Variants in BORCS5 observed in about 807,000 individuals in gnomAD.
BORCS5 encodes the protein BLOC-1-related complex subunit 5.
A neutral mutation model predicts 22.1 loss-of-function variants in BORCS5; 17 were observed. That is an observed-to-expected ratio of 0.77 (90% CI 0.53 to 1.15). BORCS5 has a LOEUF of 1.15. BORCS5 is among the 50% of genes most tolerant of loss of function. The pLI is 0.00. For synonymous variants in BORCS5, 117 were observed against 99.8 expected (o/e 1.17, Z -1.03); for missense variants, 247 against 253.2 (o/e 0.98, Z 0.17).
At chr12:12,427,094 C>G (rs559185625) in intron 2 of BORCS5, among the ~76,000 whole-genome samples, 2 of 151,636 alleles carry the variant, frequency 1.3e-5, no homozygotes, top group African/African-American at 2.4e-5. Context: ...CTAAGTATCC[C>G]GAAGGAATCA....
Position 12,416,201 on chromosome 12 carries a change from GTC to G in BORCS5, c.203-19421_203-19420del, listed in dbSNP as rs1480487522. Among the ~76,000 whole-genome samples the G allele has an allele frequency of 3.3e-5, 5 of 152,088 alleles. No individual in the cohort carries two copies. The East Asian group carries it at 9.7e-4, about 29-fold the overall frequency. ...ACTTTCTCGTTTTAGTATTTGAGTTGTCTCTCTTTTTTCTTAGTTCCTCTACT... is the reference window on the plus strand; with the variant it reads ...ACTTTCTCGTTTTAGTATTTGAGTTGTCTCTTTTTTCTTAGTTCCTCTACT... On this transcript the variant is annotated intron_variant, in intron 2 of 3. Transcript: ENST00000314565.
intron 2 of BORCS5, among the ~76,000 whole-genome samples, chr12:12,400,931 G>A (rs1941456981): frequency 6.6e-6 from 1 of 152,118 alleles, no homozygotes; most frequent in African/African-American, 2.4e-5. Context: ...TCAGCTACTT[G>A]TGTAACTTTC....
intron 2 of BORCS5, among the ~76,000 whole-genome samples, chr12:12,427,667 T>C (rs1942323650): frequency 6.6e-6 from 1 of 152,196 alleles, no homozygotes; most frequent in Admixed American, 6.5e-5. Context: ...ATAAACCGGG[T>C]GGCTTAAACA....
At chr12:12,395,066 A>C (rs1472769045) in intron 2 of BORCS5, among the ~76,000 whole-genome samples, 1 of 151,968 alleles carries the variant, frequency 6.6e-6, no homozygotes, top group Admixed American at 6.5e-5. Flanking sequence ...ATTGAGCTGA[A>C]CCTAAAAGGA....
intron 2 of BORCS5, among the ~76,000 whole-genome samples, chr12:12,368,138 G>A (rs957366684): frequency 6.6e-6 from 1 of 152,104 alleles, no homozygotes; most frequent in East Asian, 1.9e-4. Context: ...AGGATTACTA[G>A]TGTTTTCTTT....
intron 3 of BORCS5, among the ~76,000 whole-genome samples, chr12:12,448,598 G>A (rs879589130): frequency 1.1e-4 from 16 of 149,720 alleles, no homozygotes; most frequent in African/African-American, 3.2e-4. Context: ...TGGCGATCTC[G>A]GCTAACTGCA....
chr12:12,410,139 T>C (rs1941692600), intron 2 of BORCS5, among the ~76,000 whole-genome samples: 1 of 152,240 alleles, frequency 6.6e-6, no homozygotes, highest in Admixed American at 6.5e-5. Flanking sequence ...CTTTGTCAGA[T>C]GAGTAGGTTG....
intron 2 of BORCS5, among the ~76,000 whole-genome samples, chr12:12,407,042 A>G (rs1565876852): frequency 6.6e-6 from 1 of 152,218 alleles, no homozygotes; most frequent in East Asian, 1.9e-4. Context: ...AAGTGGGACA[A>G]AGTGGGCTTT....
chr12:12,431,060 G>C (rs888748440), intron 2 of BORCS5, among the ~76,000 whole-genome samples: 1 of 152,158 alleles, frequency 6.6e-6, no homozygotes, highest in Admixed American at 6.5e-5. Flanking sequence ...CATTTAGCTT[G>C]TGTGCTACTG....
chr12:12,362,406 C>A (rs1863306702), intron 2 of BORCS5, among the ~76,000 whole-genome samples: 1 of 152,144 alleles, frequency 6.6e-6, no homozygotes, highest in African/African-American at 2.4e-5. Flanking sequence ...TAAGGAAATA[C>A]AAGCTTTCAG....
At chr12:12,407,580 CCA>C (rs1385326547) in intron 2 of BORCS5, among the ~76,000 whole-genome samples, 8 of 152,128 alleles carry the variant, frequency 5.3e-5, no homozygotes, top group Non-Finnish European at 1.2e-4. Flanking sequence ...TCATGACCTT[CCA>C]TCTCCGGAAC....
chr12:12,381,499 T>C (rs533647320), intron 2 of BORCS5, among the ~76,000 whole-genome samples: 2 of 151,438 alleles, frequency 1.3e-5, no homozygotes, highest in South Asian at 4.2e-4. Context: ...CTTTAAAAAA[T>C]GACCATAAAT....
intron 3 of BORCS5, among the ~76,000 whole-genome samples, chr12:12,438,267 A>ACAAGAAT (rs1372764670): frequency 6.6e-6 from 1 of 151,164 alleles, no homozygotes; most frequent in African/African-American, 2.4e-5. Flanking sequence ...AGGCTGAGGC[A>ACAAGAAT]CAAGAATCGC....
intron 2 of BORCS5, among the ~76,000 whole-genome samples, chr12:12,383,655 AT>A (rs750877182): frequency 2.8e-4 from 42 of 149,512 alleles, no homozygotes; most frequent in Non-Finnish European, 5.7e-4. Flanking sequence ...TTGGTTGACA[AT>A]TTTTTTCCCC....
intron 2 of BORCS5, among the ~76,000 whole-genome samples, chr12:12,395,385 C>T (rs1376624317): frequency 6.6e-6 from 1 of 151,434 alleles, no homozygotes. Flanking sequence ...TCTCTTGTCT[C>T]AGCCTCCCAA....
chr12:12,427,181 T>A (rs1461443034), intron 2 of BORCS5, among the ~76,000 whole-genome samples: 1 of 71,066 alleles, frequency 1.4e-5, no homozygotes, highest in African/African-American at 6.3e-5. Flanking sequence ...TCTTTTTTTT[T>A]TTTTTTTTTT....
At chr12:12,424,779 A>C (rs1942236268) in intron 2 of BORCS5, among the ~76,000 whole-genome samples, 1 of 152,166 alleles carries the variant, frequency 6.6e-6, no homozygotes, top group Non-Finnish European at 1.5e-5. Context: ...AGGTCTCCTC[A>C]GATCTTTTCT....
chr12:12,411,009 A>G (rs990273346), intron 2 of BORCS5, among the ~76,000 whole-genome samples: 3 of 152,160 alleles, frequency 2.0e-5, no homozygotes, highest in Non-Finnish European at 4.4e-5. Flanking sequence ...GAGTTCATTC[A>G]TGATTTAGCT....
At chr12:12,426,137 T>G (rs1565901701) in intron 2 of BORCS5, among the ~76,000 whole-genome samples, 1 of 152,170 alleles carries the variant, frequency 6.6e-6, no homozygotes, top group Non-Finnish European at 1.5e-5. Flanking sequence ...ACTCCAAACT[T>G]TTTCATTATA....
Sources: gnomAD v4.1 joint callset for allele counts (sites outside exome capture counted in the v4.1 genomes callset) on GRCh38, gnomAD v4.1.1 for gene constraint, MANE v1.5 for transcripts, NCBI Gene and HGNC (gene_info 2026-07-23, HGNC 2026-07-21) for gene names.